Variants in ADAMTS2 observed in about 807,000 individuals in gnomAD.
The protein encoded by ADAMTS2 is ADAM metallopeptidase with thrombospondin type 1 motif 2.
A neutral mutation model predicts 123.0 loss-of-function variants in ADAMTS2; 50 were observed. That is an observed-to-expected ratio of 0.41 (90% CI 0.32 to 0.51). The LOEUF is 0.51. Among genes scored for constraint, ADAMTS2 ranks in the 20% least tolerant of loss-of-function variants. The pLI, the probability that ADAMTS2 is intolerant of heterozygous loss-of-function variation, is 0.35. For missense variants in ADAMTS2, 1,494 were observed against 1,705.2 expected (o/e 0.88, Z 2.18); for synonymous variants, 678 against 695.4 (o/e 0.98, Z 0.39).
intron 5 of ADAMTS2, among the ~76,000 whole-genome samples, chr5:179,164,512 G>T (rs185657210): frequency 2.6e-5 from 4 of 152,336 alleles, no homozygotes; most frequent in African/African-American, 9.6e-5. Flanking sequence ...ACCAGTGTCT[G>T]GCTTTGGGGA....
intron 17 of ADAMTS2, 83 bp from the exon 18 acceptor site, chr5:179,126,213 T>C (rs1016146045): frequency 7.0e-6 from 11 of 1,580,076 alleles, no homozygotes; most frequent in Non-Finnish European, 8.6e-6. Context: ...GCACCAGCAG[T>C]GCTGGCCTCG....
At chr5:179,276,577 C>A (rs1238252057) in intron 2 of ADAMTS2, among the ~76,000 whole-genome samples, 1 of 152,132 alleles carries the variant, frequency 6.6e-6, no homozygotes, top group Non-Finnish European at 1.5e-5. Flanking sequence ...ACACTGAGAA[C>A]CAGGCCACGC....
intron 3 of ADAMTS2, among the ~76,000 whole-genome samples, chr5:179,247,518 A>C (rs1007613879): frequency 2.2e-4 from 34 of 152,240 alleles, no homozygotes; most frequent in African/African-American, 8.0e-4. Flanking sequence ...GATTCTACAC[A>C]TCCAAGGAGC....
Position 179,130,857 on chromosome 5 carries a change from T to C in ADAMTS2, c.2291-759A>G, listed in dbSNP as rs771235790. Among the ~76,000 whole-genome samples, 1 of 152,142 alleles carries C rather than the reference T, an allele frequency of 6.6e-6. No individual in the cohort carries two copies. Among genetic ancestry groups the C allele is most frequent in the Admixed American group, 6.5e-5 (1 of 15,274 alleles). ...GTGCCACACGTCCCTGCCTTCTCTCTGGCCCTTGCTCCCTTTCCACAGAGA... is the reference window on the plus strand; with the variant it reads ...GTGCCACACGTCCCTGCCTTCTCTCCGGCCCTTGCTCCCTTTCCACAGAGA... On this transcript the variant is annotated intron_variant, in intron 15 of 21. Coordinates refer to ENST00000251582, the MANE Select transcript of ADAMTS2 (RefSeq NM_014244.5). This position sits in a 1 kb window ranked among gnomAD's most constrained non-coding sequence, Gnocchi z 4.3.
intron 11 of ADAMTS2, 22 bp from the exon 12 acceptor site, chr5:179,137,966 T>G (rs1470020632): frequency 6.5e-7 from 1 of 1,540,806 alleles, no homozygotes; most frequent in Non-Finnish European, 8.7e-7. Context: ...AGCAAAGGCC[T>G]TGCCGCTCCG....
intron 3 of ADAMTS2, among the ~76,000 whole-genome samples, chr5:179,257,742 C>T (rs1345809783): frequency 1.3e-5 from 2 of 152,198 alleles, no homozygotes; most frequent in African/African-American, 4.8e-5. Flanking sequence ...GCCCTGGCCA[C>T]ATCCAAGAAG....
At chr5:179,190,243 T>C (rs1764275248) in intron 4 of ADAMTS2, among the ~76,000 whole-genome samples, 1 of 152,084 alleles carries the variant, frequency 6.6e-6, no homozygotes, top group African/African-American at 2.4e-5. Flanking sequence ...GGAGAGATAA[T>C]GGGTGATGCT....
In ADAMTS2 at chr5:179,207,703, T is replaced by C. The variant is rs59567206; in HGVS notation, c.701A>G (p.Asp234Gly). The change falls in exon 4 of 22, where the codon GAC (aspartate) becomes GGC (glycine). Residue 234 changes from aspartate (D) to glycine (G), a missense_variant. Transcript: ENST00000251582. Reference sequence around the variant, plus strand: ...GGCGCGGCTGAGGCTGTCCAGGCTGTCCAGGGAGGCCCCTGCAAGGAGAGG... The same window carrying C: ...GGCGCGGCTGAGGCTGTCCAGGCTGCCCAGGGAGGCCCCTGCAAGGAGAGG... ...PQALDTGASL[D>G]SLDSLSRALG... is the part of the protein sequence containing the mutation. 10,661 of 1,611,586 alleles carry C rather than the reference T, an allele frequency of 6.6e-3. 201 individuals carry two copies. The highest frequency in any genetic ancestry group is 0.066 in the African/African-American group (4,953 of 74,998).
At position 179,344,608 on chromosome 5, in the gene ADAMTS2, G is replaced by A. The variant is rs535321946; in HGVS notation, c.140-447C>T. On this transcript the variant is annotated intron_variant, in intron 1 of 21. Transcript: ENST00000251582. ...CTCGGCGGGCCCCTGCCGCCCGAGT[G>A]CCCTCACCGCCAGCCTCCGGAGCGG... 1.8e-4 allele frequency among the ~76,000 whole-genome samples: 27 copies of A among 152,358 alleles called. 1 individual carries two copies. The highest frequency in any genetic ancestry group is 6.0e-4 in the African/African-American group (25 of 41,588).
chr5:179,275,483 C>T (rs1306805067), intron 2 of ADAMTS2, among the ~76,000 whole-genome samples: 2 of 152,122 alleles, frequency 1.3e-5, no homozygotes, highest in Non-Finnish European at 2.9e-5. Flanking sequence ...AGAGACTCTG[C>T]GGGTGTGATC....
chr5:179,292,226 C>G (rs1472341279), intron 2 of ADAMTS2, among the ~76,000 whole-genome samples: 2 of 151,844 alleles, frequency 1.3e-5, no homozygotes, highest in Non-Finnish European at 2.9e-5. Context: ...ATGCCACAAC[C>G]AGCACTAAAT....
intron 6 of ADAMTS2, among the ~76,000 whole-genome samples, chr5:179,157,965 T>C (rs1763512427): frequency 1.4e-5 from 2 of 146,044 alleles, no homozygotes; most frequent in South Asian, 4.3e-4. Context: ...TTTGGTTTTT[T>C]TTGTCTCTTT....
intron 2 of ADAMTS2, among the ~76,000 whole-genome samples, chr5:179,330,621 G>T (rs535912453): frequency 6.6e-6 from 1 of 152,210 alleles, no homozygotes; most frequent in South Asian, 2.1e-4. Context: ...TCCACCCAGC[G>T]CTGCGCACCC....
At chr5:179,324,278 G>A (rs899989320) in intron 2 of ADAMTS2, among the ~76,000 whole-genome samples, 1 of 152,046 alleles carries the variant, frequency 6.6e-6, no homozygotes, top group Non-Finnish European at 1.5e-5. Context: ...TTATAAGTTG[G>A]TAAAATACAT....
chr5:179,135,449 A>C (rs1763050435), intron 13 of ADAMTS2, among the ~76,000 whole-genome samples: 1 of 152,208 alleles, frequency 6.6e-6, no homozygotes. Flanking sequence ...CATCATAATA[A>C]AAGAAAACAG....
intron 3 of ADAMTS2, among the ~76,000 whole-genome samples, chr5:179,237,909 G>A (rs1443850610): frequency 2.0e-5 from 3 of 152,190 alleles, no homozygotes; most frequent in East Asian, 1.9e-4. Context: ...GGCAGCCATC[G>A]CTCCCGACAC....
Position 179,130,560 on chromosome 5 carries a change from C to G in ADAMTS2, c.2291-462G>C, listed in dbSNP as rs920025782. 6.6e-6 allele frequency among the ~76,000 whole-genome samples: 1 copy of G among 152,196 alleles called. No individual in the cohort carries two copies. Among genetic ancestry groups the G allele is most frequent in the Admixed American group, 6.5e-5 (1 of 15,278 alleles). On this transcript the variant is annotated intron_variant, in intron 15 of 21. Coordinates refer to ENST00000251582, the MANE Select transcript of ADAMTS2 (RefSeq NM_014244.5). The surrounding 1 kb of genome is among the most constrained non-coding windows in gnomAD (Gnocchi z 4.3). ...TATATGTCTGGCTGAAACAGCAGAA[C>G]CCCCACCCCATCAGGGACCATGGCC...
intron 3 of ADAMTS2, 110 bp from the exon 4 acceptor site, chr5:179,207,825 C>T (rs566966143): frequency 6.6e-5 from 62 of 939,488 alleles, no homozygotes; most frequent in Middle Eastern, 3.0e-4. Context: ...CACCCTGAAC[C>T]GAGGGTATTA....
intron 2 of ADAMTS2, among the ~76,000 whole-genome samples, chr5:179,306,748 C>T (rs1448164656): frequency 6.6e-6 from 1 of 152,184 alleles, no homozygotes; most frequent in African/African-American, 2.4e-5. Context: ...CTGCTCCAGC[C>T]TCATGAAGCT....
Sources: gnomAD v4.1 joint callset for allele counts (sites outside exome capture counted in the v4.1 genomes callset) on GRCh38, gnomAD v4.1.1 for gene constraint, Gnocchi (gnomAD v3.1) non-coding constraint, MANE v1.5 for transcripts, NCBI Gene and HGNC (gene_info 2026-07-23, HGNC 2026-07-21) for gene names.